The following RANBP17 variants were observed in gnomAD, a reference collection of about 807,000 sequenced individuals.
RANBP17 encodes RAN binding protein 17, also known as ran-binding protein 17.
Under a neutral mutation model 141.2 loss-of-function variants are expected in RANBP17, and 158 were observed. The observed-to-expected ratio is 1.12, with a 90% confidence interval of 0.98 to 1.28. The LOEUF is 1.28. Among genes scored for constraint, RANBP17 ranks in the 50% most tolerant of loss-of-function variants. The pLI is 0.00. For synonymous variants in RANBP17, 430 were observed against 450.0 expected (o/e 0.96, Z 0.56); for missense variants, 1,438 against 1,290.7 (o/e 1.11, Z -1.75).
chr5:171,104,034 T>C (rs1426116517), intron 14 of RANBP17, among the ~76,000 whole-genome samples: 1 of 152,092 alleles, frequency 6.6e-6, no homozygotes, highest in Non-Finnish European at 1.5e-5. Context: ...TTTTTGTTTG[T>C]TTGTTTGTTG....
At chr5:171,199,330 C>G (rs1762163606) in intron 18 of RANBP17, among the ~76,000 whole-genome samples, 2 of 152,208 alleles carry the variant, frequency 1.3e-5, no homozygotes, top group South Asian at 2.1e-4. Flanking sequence ...CACTGCGTCT[C>G]TGAGGCTTTG....
At chr5:171,055,738 C>T (rs1228795044) in intron 14 of RANBP17, among the ~76,000 whole-genome samples, 1 of 151,828 alleles carries the variant, frequency 6.6e-6, no homozygotes, top group Non-Finnish European at 1.5e-5. Context: ...TCTATAGGGA[C>T]AGTATAGACA....
chr5:170,878,030 T>G, intron 1 of RANBP17, 67 bp from the exon 2 acceptor site: 1 of 1,168,756 alleles, frequency 8.6e-7, no homozygotes, highest in Non-Finnish European at 1.2e-6. Flanking sequence ...ATCCCTTGTT[T>G]TTTGTGGTTA....
At chr5:171,258,020 C>T (rs187628867) in intron 24 of RANBP17, among the ~76,000 whole-genome samples, 3 of 151,694 alleles carry the variant, frequency 2.0e-5, no homozygotes, top group Non-Finnish European at 2.9e-5. Context: ...GCAGGAGAAT[C>T]GCTTGAACCC....
intron 13 of RANBP17, among the ~76,000 whole-genome samples, chr5:170,957,983 CACAGTGACT>C (rs1775858563): frequency 6.6e-6 from 1 of 152,148 alleles, no homozygotes; most frequent in Non-Finnish European, 1.5e-5. Flanking sequence ...ATTCAGTGTT[CACAGTGACT>C]ACAGAATATA....
At chr5:171,122,597 C>T (rs1184601343) in intron 14 of RANBP17, among the ~76,000 whole-genome samples, 8 of 152,194 alleles carry the variant, frequency 5.3e-5, no homozygotes, top group Non-Finnish European at 8.8e-5. Flanking sequence ...GAGCACCACA[C>T]TGCAAATAAA....
chr5:171,163,194 A>G (rs558155943), intron 14 of RANBP17, among the ~76,000 whole-genome samples: 29 of 152,302 alleles, frequency 1.9e-4, no homozygotes, highest in Non-Finnish European at 3.8e-4. Context: ...TTTCAGGCTT[A>G]TATTTAGTGA....
intron 13 of RANBP17, among the ~76,000 whole-genome samples, 156 bp from the exon 14 acceptor site, chr5:170,968,086 G>C (rs1339630532): frequency 6.6e-6 from 1 of 151,560 alleles, no homozygotes; most frequent in Non-Finnish European, 1.5e-5. Flanking sequence ...TCAGTAGTAG[G>C]ATTTCAGATG....
At chr5:170,956,138 A>C (rs1441929841) in intron 13 of RANBP17, among the ~76,000 whole-genome samples, 1 of 151,750 alleles carries the variant, frequency 6.6e-6, no homozygotes, top group Non-Finnish European at 1.5e-5. Flanking sequence ...TGCCAATCCT[A>C]CCCTCTACTG....
intron 3 of RANBP17, among the ~76,000 whole-genome samples, chr5:170,888,386 T>A (rs957347519): frequency 3.3e-5 from 5 of 152,170 alleles, no homozygotes; most frequent in African/African-American, 1.2e-4. Flanking sequence ...TTTGGTTTAT[T>A]TTATTATAGT....
intron 12 of RANBP17, among the ~76,000 whole-genome samples, chr5:170,928,641 A>G (rs1317990092): frequency 6.6e-6 from 1 of 152,108 alleles, no homozygotes; most frequent in East Asian, 1.9e-4. Context: ...ATAAAATGCT[A>G]GAGTCTATTA....
At chr5:171,018,288 G>T (rs1232883278) in intron 14 of RANBP17, among the ~76,000 whole-genome samples, 1 of 151,878 alleles carries the variant, frequency 6.6e-6, no homozygotes, top group Non-Finnish European at 1.5e-5. Flanking sequence ...TTCTAATTCT[G>T]TGAAAAATGT....
At chr5:171,105,831 G>T (rs1754790734) in intron 14 of RANBP17, among the ~76,000 whole-genome samples, 1 of 152,316 alleles carries the variant, frequency 6.6e-6, no homozygotes, top group African/African-American at 2.4e-5. Context: ...GTTCTCTGCA[G>T]CAGACCATTC....
At chr5:171,050,445 T>C (rs942452326) in intron 14 of RANBP17, among the ~76,000 whole-genome samples, 2 of 152,178 alleles carry the variant, frequency 1.3e-5, no homozygotes, top group Non-Finnish European at 2.9e-5. Context: ...GTAATACATA[T>C]GTTATGTGGC....
At chr5:171,017,911 A>G (rs1780564408) in intron 14 of RANBP17, among the ~76,000 whole-genome samples, 1 of 151,992 alleles carries the variant, frequency 6.6e-6, no homozygotes, top group African/African-American at 2.4e-5. Context: ...TCTTTAATCC[A>G]TCTTGAGTTA....
At chr5:171,176,264 A>G (rs907127879) in intron 16 of RANBP17, among the ~76,000 whole-genome samples, 51 of 152,026 alleles carry the variant, frequency 3.4e-4, no homozygotes, top group African/African-American at 1.2e-3. Context: ...CTTGATGACC[A>G]TGAAAATTTT....
At chr5:171,253,616 A>G (rs538408311) in intron 24 of RANBP17, among the ~76,000 whole-genome samples, 1 of 152,220 alleles carries the variant, frequency 6.6e-6, no homozygotes, top group Non-Finnish European at 1.5e-5. Flanking sequence ...AAGGGGAAAG[A>G]CTGGCTTTGT....
At chr5:171,294,370 G>GC (rs1194533677) in intron 26 of RANBP17, among the ~76,000 whole-genome samples, 1 of 152,130 alleles carries the variant, frequency 6.6e-6, no homozygotes. Flanking sequence ...GACAGCAGCA[G>GC]CCCATCAGGC....
chr5:171,263,386 A>G (rs1766461759), intron 24 of RANBP17, among the ~76,000 whole-genome samples: 1 of 152,176 alleles, frequency 6.6e-6, no homozygotes, highest in Non-Finnish European at 1.5e-5. Flanking sequence ...CTGATTCAAA[A>G]CCATGGACTT....
Sources: gnomAD v4.1 joint callset for allele counts (sites outside exome capture counted in the v4.1 genomes callset) on GRCh38, gnomAD v4.1.1 for gene constraint, MANE v1.5 for transcripts, NCBI Gene and HGNC (gene_info 2026-07-23, HGNC 2026-07-21) for gene names.